Variants in COL13A1 observed in about 807,000 individuals in gnomAD.
The protein encoded by COL13A1 is collagen alpha-1(XIII) chain.
Under a neutral mutation model 130.9 loss-of-function variants are expected in COL13A1, and 89 were observed. The observed-to-expected ratio is 0.68, with a 90% CI of 0.57 to 0.81. COL13A1 has a LOEUF of 0.81. Ranked by LOEUF, COL13A1 falls within the 30% of genes least tolerant of loss-of-function variation. The pLI is 0.00. For synonymous variants in COL13A1, 402 were observed against 341.6 expected, an observed-to-expected ratio of 1.18 and a Z score of -1.95; for missense variants, 879 against 934.6, an observed-to-expected ratio of 0.94 and a Z score of 0.78.
intron 7 of COL13A1, among the ~76,000 whole-genome samples, chr10:69,883,017 T>C (rs927205031): frequency 1.3e-5 from 2 of 152,158 alleles, no homozygotes; most frequent in Non-Finnish European, 2.9e-5. Flanking sequence ...ACATGAAACT[T>C]TCCACTCAGC....
chr10:69,888,980 G>A (rs954731967), intron 9 of COL13A1, among the ~76,000 whole-genome samples: 10 of 152,142 alleles, frequency 6.6e-5, no homozygotes, highest in Admixed American at 2.6e-4. Flanking sequence ...GCCTGGCCCC[G>A]CCACTCGCCT....
At chr10:69,824,629 G>A (rs1847037552) in intron 2 of COL13A1, among the ~76,000 whole-genome samples, 2 of 152,196 alleles carry the variant, frequency 1.3e-5, no homozygotes, top group South Asian at 4.1e-4. Flanking sequence ...GAGGGTCAGG[G>A]GAGGAGGAAA....
intron 1 of COL13A1, among the ~76,000 whole-genome samples, chr10:69,806,011 G>A (rs547157283): frequency 6.6e-6 from 1 of 152,388 alleles, no homozygotes; most frequent in Admixed American, 6.5e-5. Flanking sequence ...CCTTAGGCAA[G>A]CCATGCTACA....
Position 69,880,552 on chromosome 10 carries a change from C to G in COL13A1, c.512C>G (p.Pro171Arg). ...GLSIIGPRGPPGQPGTRGFPG... is the reference protein window; with the variant it reads ...GLSIIGPRGPRGQPGTRGFPG... ...TCCATCATTGGTCCCCGCGGCCCCC[C>G]TGTAAGTTGTTTTTGCTCTTCCTCG... Residue 171 changes from proline to arginine, a missense_variant and splice_region_variant, in exon 7 of 41, where the codon CCT becomes CGT. Pro to Arg is a moderately radical substitution (Grantham distance 103, BLOSUM62 -2). Around this residue, in one of 3 missense-constraint regions of COL13A1, gnomAD observed 715 missense variants for 721.0 expected, o/e 0.99. Coordinates refer to ENST00000645393, the MANE Select transcript of COL13A1 (RefSeq NM_001368882.1). 1 of 1,613,318 alleles carries G rather than the reference C, an allele frequency of 6.2e-7. No individual in the cohort carries two copies. Among genetic ancestry groups the G allele is most frequent in the Non-Finnish European group, 8.5e-7 (1 of 1,179,744 alleles).
intron 2 of COL13A1, among the ~76,000 whole-genome samples, chr10:69,841,390 C>T (rs955823205): frequency 2.0e-5 from 3 of 152,184 alleles, no homozygotes; most frequent in African/African-American, 4.8e-5. Context: ...ACATCTGTCT[C>T]CCCTCTGGAC....
chr10:69,802,960 T>C (rs1040946754), intron 1 of COL13A1, among the ~76,000 whole-genome samples: 1 of 152,182 alleles, frequency 6.6e-6, no homozygotes, highest in Admixed American at 6.5e-5. Flanking sequence ...CTTCCAGCGC[T>C]GGGAGCGCCC....
At chr10:69,835,126 T>C (rs1849709008) in intron 2 of COL13A1, among the ~76,000 whole-genome samples, 1 of 152,054 alleles carries the variant, frequency 6.6e-6, no homozygotes, top group Admixed American at 6.5e-5. Flanking sequence ...CACACATGGG[T>C]GCTGTGCAGC....
intron 35 of COL13A1, among the ~76,000 whole-genome samples, chr10:69,943,712 G>A (rs2068012888): frequency 6.6e-6 from 1 of 152,166 alleles, no homozygotes; most frequent in Non-Finnish European, 1.5e-5. Context: ...GTGTGCATCC[G>A]CATCCATCTC....
Position 69,918,343 on chromosome 10 carries a change from A to G in COL13A1, c.999+26A>G, listed in dbSNP as rs146052184. On this transcript the variant is annotated intron_variant, in intron 19 of 40. Coordinates refer to ENST00000645393, the MANE Select transcript of COL13A1 (RefSeq NM_001368882.1). ...GTCAGTGGACTGTTGTAACCAACACATCAGGGACAGGGTGGGAGAGAAGAG... is the reference window on the plus strand; with the variant it reads ...GTCAGTGGACTGTTGTAACCAACACGTCAGGGACAGGGTGGGAGAGAAGAG... 8.8e-4 allele frequency: 1,421 copies of G among 1,611,710 alleles called. 9 individuals are homozygous for G. The African/African-American group carries it at 0.015, about 17-fold the overall frequency.
intron 17 of COL13A1, among the ~76,000 whole-genome samples, chr10:69,916,047 A>G (rs1271156721): frequency 6.6e-6 from 1 of 152,180 alleles, no homozygotes; most frequent in Non-Finnish European, 1.5e-5. Context: ...GCTTAACTGG[A>G]CACTTGCATG....
chr10:69,940,821 C>T (rs2067521283), intron 34 of COL13A1, among the ~76,000 whole-genome samples, 167 bp from the exon 35 acceptor site: 1 of 152,174 alleles, frequency 6.6e-6, no homozygotes, highest in Non-Finnish European at 1.5e-5. Context: ...CATGTAAATA[C>T]CATTCCGTGT....
At chr10:69,904,371 C>T (rs899669516) in intron 15 of COL13A1, among the ~76,000 whole-genome samples, 9 of 152,204 alleles carry the variant, frequency 5.9e-5, no homozygotes, top group African/African-American at 2.2e-4. Context: ...TCAGGCATCA[C>T]GGCTTTCTCC....
intron 10 of COL13A1, 51 bp downstream of exon 10, chr10:69,889,491 C>T: frequency 6.3e-7 from 1 of 1,599,104 alleles, no homozygotes; most frequent in Non-Finnish European, 8.5e-7. Flanking sequence ...GTTGGCCCAG[C>T]CTCACAGGCA....
At chr10:69,831,240 C>G (rs1399361084) in intron 2 of COL13A1, among the ~76,000 whole-genome samples, 1 of 152,214 alleles carries the variant, frequency 6.6e-6, no homozygotes, top group Admixed American at 6.5e-5. Flanking sequence ...GCACCCTCAG[C>G]CACCTGTGGG....
intron 23 of COL13A1, among the ~76,000 whole-genome samples, chr10:69,923,135 G>C (rs1298977654): frequency 3.3e-5 from 5 of 152,210 alleles, no homozygotes; most frequent in Admixed American, 6.5e-5. Flanking sequence ...GCAGGACCTT[G>C]ATGGCCATGC....
chr10:69,941,067 C>T (rs2067567075), intron 35 of COL13A1, 44 bp downstream of exon 35: 2 of 1,613,408 alleles, frequency 1.2e-6, no homozygotes, highest in African/African-American at 2.7e-5. Context: ...CTCCACTCCA[C>T]ACCTGGCCTG....
At chr10:69,850,872 G>A (rs922767320) in intron 2 of COL13A1, among the ~76,000 whole-genome samples, 1 of 152,244 alleles carries the variant, frequency 6.6e-6, no homozygotes, top group African/African-American at 2.4e-5. Flanking sequence ...GCCATGAAGG[G>A]GGTTCTTGGA....
intron 38 of COL13A1, 48 bp downstream of exon 38, chr10:69,947,390 G>T: frequency 6.5e-7 from 1 of 1,539,290 alleles, no homozygotes. Flanking sequence ...ATGTCTTCAT[G>T]ATGGGGTGGA....
chr10:69,834,406 T>A (rs1371592095), intron 2 of COL13A1, among the ~76,000 whole-genome samples: 11 of 152,120 alleles, frequency 7.2e-5, no homozygotes, highest in African/African-American at 2.2e-4. Context: ...AGAGGTAACA[T>A]TAGCAAGTTC....
Sources: allele counts gnomAD v4.1 joint callset (sites outside exome capture counted in the v4.1 genomes callset), GRCh38; gene constraint gnomAD v4.1.1; regional missense constraint gnomAD v4.1.1; transcripts MANE v1.5; gene names NCBI Gene and HGNC (gene_info 2026-07-23, HGNC 2026-07-21).